CCDC197: variants seen among roughly 807,000 people sequenced by gnomAD.
CCDC197 encodes coiled-coil domain containing 197, also known as uncharacterized protein CCDC197.
Under a neutral mutation model 13.4 loss-of-function variants are expected in CCDC197, and 24 were observed. The observed-to-expected ratio is 1.80, with a 90% confidence interval of 1.30 to 2.53. The LOEUF (loss-of-function observed/expected upper bound fraction) is 2.53. Among genes scored for constraint, CCDC197 ranks in the 30% most tolerant of loss-of-function variants. The probability of loss-of-function intolerance (pLI) is 0.00; values close to 1 mark genes in which losing one functional copy is unlikely to be tolerated. For synonymous variants in CCDC197, 99 were observed against 55.5 expected, an observed-to-expected ratio of 1.78 and a Z score of -3.48; for missense variants, 255 against 148.8, an observed-to-expected ratio of 1.71 and a Z score of -3.71.
At position 94,001,124 on chromosome 14, in the gene CCDC197, G is replaced by A. The variant is rs780532871; in HGVS notation, c.188-21G>A. 19 of 755,804 alleles carry A rather than the reference G, an allele frequency of 2.5e-5. 1 individual carries two copies. The highest frequency in any genetic ancestry group is 1.3e-4 in the South Asian group (9 of 71,398). The allele number at this position is 755,804 out of a possible 1,614,324, so 46.8% of individuals were successfully genotyped here. ...CACTGCAGGGGCACCCACCCATCCC[G>A]CCATGGCGCTGTCTCCGTAGGCTGC... On this transcript the variant is annotated intron_variant, in intron 3 of 6. Transcript: ENST00000636493.
At chr14:94,010,656 C>T (rs75830163), downstream of CCDC197, among the ~76,000 whole-genome samples, 13,344 of 152,214 alleles carry the variant, frequency 0.088, 594 homozygotes, top group Middle Eastern at 0.17. Context: ...ACAGAAACGC[C>T]GGAGTAGGGA....
upstream of CCDC197, among the ~76,000 whole-genome samples, chr14:93,992,915 G>A (rs1345306391): frequency 2.6e-5 from 4 of 152,186 alleles, no homozygotes; most frequent in Non-Finnish European, 1.5e-5. Context: ...CCTGGGCCCA[G>A]GATGCCCTGG....
intron 5 of CCDC197, among the ~76,000 whole-genome samples, chr14:94,004,246 C>T (rs1037983114): frequency 3.3e-5 from 5 of 152,168 alleles, no homozygotes; most frequent in Non-Finnish European, 7.3e-5. Context: ...TTCTTCTGGC[C>T]TCCGGGACTG....
chr14:94,007,889 G>A (rs1367554607), intron 6 of CCDC197, among the ~76,000 whole-genome samples: 6 of 152,216 alleles, frequency 3.9e-5, no homozygotes, highest in African/African-American at 1.2e-4. Context: ...CTGTGGCTCA[G>A]TTCAGAAGGA....
At chr14:93,993,525 A>G (rs1351962290), upstream of CCDC197, among the ~76,000 whole-genome samples, 3 of 152,220 alleles carry the variant, frequency 2.0e-5, no homozygotes, top group African/African-American at 4.8e-5. Context: ...CACAGCTGGT[A>G]GCCCTGCCTC....
intron 6 of CCDC197, 109 bp from the exon 7 acceptor site, chr14:94,008,500 G>T: frequency 1.6e-6 from 1 of 642,702 alleles, no homozygotes; most frequent in East Asian, 2.7e-5. Context: ...CAGGGCGCTT[G>T]TGAGAGTTAA....
upstream of CCDC197, among the ~76,000 whole-genome samples, chr14:93,993,982 GCTTGAGT>G (rs1333751655): frequency 6.6e-6 from 1 of 152,134 alleles, no homozygotes; most frequent in Non-Finnish European, 1.5e-5. Context: ...CCATGTAAGT[GCTTGAGT>G]CTTCCCCTAA....
upstream of CCDC197, among the ~76,000 whole-genome samples, chr14:93,996,532 C>T (rs998540410): frequency 4.6e-5 from 7 of 152,204 alleles, no homozygotes; most frequent in Non-Finnish European, 8.8e-5. Context: ...CAGAGACCCC[C>T]GCCCTCCCTC....
At chr14:94,001,461 G>A (rs1235765357) in intron 4 of CCDC197, 138 bp downstream of exon 4, 2 of 552,478 alleles carry the variant, frequency 3.6e-6, no homozygotes, top group Non-Finnish European at 6.4e-6. Context: ...TGGGGCTGTC[G>A]CTCCTGAGCC....
chr14:93,999,565 C>T lies in CCDC197; in HGVS notation c.105-18C>T, dbSNP rs1890426985. 1.3e-6 allele frequency: 1 copy of T among 780,592 alleles called. No individual in the cohort carries two copies. The highest frequency in any genetic ancestry group is 1.7e-5 in the African/African-American group (1 of 59,146). 48.4% of individuals were successfully genotyped at this position (780,592 alleles called of 1,614,324 possible). A position where few individuals can be genotyped will look rare whatever the true frequency, so the allele number is the denominator to read the frequency against. ...ACCTGGGAGCCTCCAGGCCATGTTCCTGCATCTGGCTCTACAGGCAGAAGA... is the reference window on the plus strand; with the variant it reads ...ACCTGGGAGCCTCCAGGCCATGTTCTTGCATCTGGCTCTACAGGCAGAAGA... On this transcript the variant is annotated intron_variant, in intron 2 of 6. Transcript: ENST00000636493.
chr14:93,994,862 G>A (rs1299604001), upstream of CCDC197, among the ~76,000 whole-genome samples: 2 of 152,192 alleles, frequency 1.3e-5, no homozygotes, highest in East Asian at 1.9e-4. Context: ...TGCTAATGGA[G>A]TCTTCCCCAA....
chr14:94,004,186 G>A (rs979832963), intron 5 of CCDC197, among the ~76,000 whole-genome samples: 3 of 152,166 alleles, frequency 2.0e-5, no homozygotes, highest in Non-Finnish European at 4.4e-5. Flanking sequence ...GTGTGGTCTG[G>A]TCACCCCTGG....
At chr14:93,987,502 C>T (rs976724679) in intron 1 of CCDC197, 3 of 152,778 alleles carry the variant, frequency 2.0e-5, no homozygotes, top group African/African-American at 7.2e-5. Flanking sequence ...GCCTCTGCCC[C>T]ACCGTCTGTC....
downstream of CCDC197, among the ~76,000 whole-genome samples, chr14:94,009,656 G>T (rs548759498): frequency 1.1e-4 from 16 of 152,278 alleles, no homozygotes; most frequent in Admixed American, 6.5e-4. Flanking sequence ...TTGAGCCTGG[G>T]AGGTCAAGGC....
chr14:93,990,871 G>A (rs1459771480), intron 1 of CCDC197, among the ~76,000 whole-genome samples: 2 of 152,204 alleles, frequency 1.3e-5, no homozygotes, highest in Admixed American at 6.5e-5. Flanking sequence ...AATGCTTTAC[G>A]TATACCAGCT....
chr14:94,009,357 GC>G (rs1890773193), downstream of CCDC197, among the ~76,000 whole-genome samples: 3 of 152,138 alleles, frequency 2.0e-5, no homozygotes, highest in African/African-American at 7.2e-5. Flanking sequence ...TGTCTGAGCT[GC>G]CTGAAATGGT....
chr14:94,010,053 C>T (rs1890782975), downstream of CCDC197, among the ~76,000 whole-genome samples: 1 of 152,130 alleles, frequency 6.6e-6, no homozygotes, highest in Non-Finnish European at 1.5e-5. Context: ...CCTCGAAAGC[C>T]CGCTTGACTC....
At position 94,001,302 on chromosome 14, in the gene CCDC197, G is replaced by C; in HGVS notation, c.345G>C (p.Glu115Asp). ...ACCGGAGCCTGGAGTCTCTGGAGGAGGACCACAGGGCTCTCATGTTGGTAA... is the reference window on the plus strand; with the variant it reads ...ACCGGAGCCTGGAGTCTCTGGAGGACGACCACAGGGCTCTCATGTTGGTAA... ...AVHRSLESLE[E>D]DHRALMLSLK... Residue 115 changes from glutamate to aspartate, a missense_variant, in exon 4 of 7, where the codon GAG becomes GAC. By Grantham distance (45) the Glu-to-Asp change is conservative (BLOSUM62 2). Coordinates refer to ENST00000636493, the MANE Select transcript of CCDC197 (RefSeq NM_001351596.2). The C allele has an allele frequency of 1.3e-6, 1 of 778,250 alleles. No homozygotes were observed. The highest frequency in any genetic ancestry group is 2.4e-6 in the Non-Finnish European group (1 of 416,628). 48.2% of individuals were successfully genotyped at this position (778,250 alleles called of 1,614,324 possible). A position where few individuals can be genotyped will look rare whatever the true frequency, so the allele number is the denominator to read the frequency against.
rs1327829204 is a variant in CCDC197, at chr14:94,003,730, CCA to C, written c.498+378_498+379del. 1.3e-5 allele frequency among the ~76,000 whole-genome samples: 2 copies of C among 152,114 alleles called. No individual in the cohort carries two copies. Among genetic ancestry groups the C allele is most frequent in the Non-Finnish European group, 2.9e-5 (2 of 68,024 alleles). Reference sequence around the variant, plus strand: ...AGACACACACACAGACAGACCCACACCACTTTCTTCTCCTTGGTGACAGTTTG... The same window carrying C: ...AGACACACACACAGACAGACCCACACCTTTCTTCTCCTTGGTGACAGTTTG... On this transcript the variant is annotated intron_variant, in intron 5 of 6. Transcript: ENST00000636493. The surrounding 1 kb of genome is among the most constrained non-coding windows in gnomAD (Gnocchi z 5.0).
Sources: gnomAD v4.1 joint callset for allele counts (sites outside exome capture counted in the v4.1 genomes callset) on GRCh38, gnomAD v4.1.1 for gene constraint, Gnocchi (gnomAD v3.1) non-coding constraint, MANE v1.5 for transcripts, NCBI Gene and HGNC (gene_info 2026-07-23, HGNC 2026-07-21) for gene names.